Variants in SIRT2 observed in about 807,000 individuals in gnomAD.
SIRT2 encodes the protein sirtuin 2.
A neutral mutation model predicts 57.4 loss-of-function variants in SIRT2; 40 were observed. That is an observed-to-expected ratio of 0.70 (90% CI 0.54 to 0.91). The LOEUF (loss-of-function observed/expected upper bound fraction) is 0.91, where lower values mean the gene tolerates loss of function less well. Among genes scored for constraint, SIRT2 ranks in the 40% least tolerant of loss-of-function variants. The pLI is 0.00. For synonymous variants in SIRT2, 161 were observed against 195.7 expected (o/e 0.82, Z 1.48); for missense variants, 439 against 510.4 (o/e 0.86, Z 1.35).
At chr19:38,893,686 T>C in intron 3 of SIRT2, 133 bp downstream of exon 3, 1 of 1,288,270 alleles carries the variant, frequency 7.8e-7, no homozygotes, top group African/African-American at 1.5e-5. Flanking sequence ...GCTCTGGCAC[T>C]GGTACCCAAC....
At position 38,880,569 on chromosome 19, in the gene SIRT2, G is replaced by C; in HGVS notation, c.876+116C>G. ...ACCCCTCTGGATTCTAGAGCCCCAG[G>C]TTCTGAGCTGAGGAATGCAAAGTGC... On this transcript the variant is annotated intron_variant, in intron 13 of 15. Coordinates refer to ENST00000249396, the MANE Select transcript of SIRT2 (RefSeq NM_012237.4). This position sits in a 1 kb window ranked among gnomAD's most constrained non-coding sequence, Gnocchi z 4.1. The C allele has an allele frequency of 1.4e-6, 1 of 709,456 alleles. No individual in the cohort carries two copies. The highest frequency in any genetic ancestry group is 2.4e-6 in the Non-Finnish European group (1 of 416,486). 43.9% of individuals were successfully genotyped at this position (709,456 alleles called of 1,614,324 possible).
chr19:38,884,809 C>T (rs1485522709), intron 8 of SIRT2, among the ~76,000 whole-genome samples: 1 of 152,082 alleles, frequency 6.6e-6, no homozygotes, highest in African/African-American at 2.4e-5. Context: ...TGCAGTGGTA[C>T]AATCATAGCT....
At position 38,898,615 on chromosome 19, in the gene SIRT2, G is replaced by A. The variant is rs569681833; in HGVS notation, c.17-190C>T. On this transcript the variant is annotated intron_variant, in intron 1 of 15. Transcript: ENST00000249396. ...TCTTATCTACATGCAAAGTGATGCC[G>A]GGAGAGGTGATTAGTGAGGGGCAGA... The A allele has an allele frequency of 1.2e-4, 47 of 404,598 alleles. No individual in the cohort carries two copies. In the East Asian group the frequency reaches 1.5e-3, roughly 13 times the overall value. The allele number at this position is 404,598 out of a possible 1,614,324, so 25.1% of individuals were successfully genotyped here. A position where few individuals can be genotyped will look rare whatever the true frequency, so the allele number is the denominator to read the frequency against.
chr19:38,898,440 C>T lies in SIRT2; in HGVS notation c.17-15G>A, dbSNP rs1353467493. The T allele has an allele frequency of 6.6e-7, 1 of 1,507,988 alleles. No homozygotes were observed. Among genetic ancestry groups the T allele is most frequent in the Non-Finnish European group, 9.0e-7 (1 of 1,117,140 alleles). The allele number at this position is 1,507,988 out of a possible 1,614,324, so 93.4% of individuals were successfully genotyped here. A position where few individuals can be genotyped will look rare whatever the true frequency, so the allele number is the denominator to read the frequency against. On this transcript the variant is annotated splice_polypyrimidine_tract_variant and intron_variant, in intron 1 of 15. Coordinates refer to ENST00000249396, the MANE Select transcript of SIRT2 (RefSeq NM_012237.4). ...AGGGTGAGAGGCTGGGGGAGGGGAGCAGAGGTGGTTACAGTGGGGAGAACG... is the reference window on the plus strand; with the variant it reads ...AGGGTGAGAGGCTGGGGGAGGGGAGTAGAGGTGGTTACAGTGGGGAGAACG...
intron 7 of SIRT2, chr19:38,889,473 C>T (rs780516847): frequency 9.1e-6 from 6 of 659,454 alleles, no homozygotes; most frequent in Non-Finnish European, 1.6e-5. Flanking sequence ...CCTCTTCAGA[C>T]AGTACCATTA....
intron 2 of SIRT2, 150 bp from the exon 3 acceptor site, chr19:38,894,017 CAG>C: frequency 6.8e-7 from 1 of 1,477,254 alleles, no homozygotes; most frequent in Non-Finnish European, 9.0e-7. Context: ...GGGCTAGCTC[CAG>C]GGCTCTGGGA....
At position 38,881,468 on chromosome 19, in the gene SIRT2, G is replaced by A. The variant is rs201099777; in HGVS notation, c.655C>T (p.Pro219Ser). ...AGGCTCTGACAGTCTTCACACTTGG[G>A]CGTCACCTCAGAGAAGATCTTCTCT... ...MKEKIFSEVT[P>S]KCEDCQSLVK... The change falls in exon 10 of 16, where the codon CCC (proline) becomes TCC (serine). Residue 219 changes from proline (P) to serine (S), a missense_variant. By Grantham distance (74) the Pro-to-Ser change is moderately conservative (BLOSUM62 -1). Coordinates refer to ENST00000249396, the MANE Select transcript of SIRT2 (RefSeq NM_012237.4). The A allele has an allele frequency of 1.9e-6, 3 of 1,614,032 alleles. No homozygotes were observed. Among genetic ancestry groups the A allele is most frequent in the Non-Finnish European group, 2.5e-6 (3 of 1,179,982 alleles).
In SIRT2 at chr19:38,889,926, C is replaced by G. The variant is rs76265208; in HGVS notation, c.304G>C (p.Gly102Arg). The G allele has an allele frequency of 6.2e-7, 1 of 1,613,940 alleles. No individual in the cohort carries two copies. Among genetic ancestry groups the G allele is most frequent in the African/African-American group, 1.3e-5 (1 of 74,868 alleles). The part of the protein sequence containing the change: ...GIPDFRSPST[G>R]LYDNLEKYHL... ...TACTTCTCTAGGTTGTCATAGAGGC[C>G]GGTGGATGGAGAGCGAAAGTCGGGG... The change falls in exon 6 of 16, where the codon GGC becomes CGC. Residue 102 changes from glycine (G) to arginine (R), a missense_variant. Physicochemically the swap from Gly to Arg is moderately radical, Grantham distance 125. Transcript: ENST00000249396.
At chr19:38,885,653 C>G (rs570121333) in intron 8 of SIRT2, among the ~76,000 whole-genome samples, 14 of 149,132 alleles carry the variant, frequency 9.4e-5, no homozygotes, top group Admixed American at 3.4e-4. Flanking sequence ...TGCAGTGGCG[C>G]AATCTTGGCT....
In SIRT2 at chr19:38,878,700, C is replaced by T. The variant is rs1973014834; in HGVS notation, c.*455G>A. The T allele has an allele frequency of 6.4e-6, 1 of 155,160 alleles. No homozygotes were observed. The allele number at this position is 155,160 out of a possible 1,614,324, so 9.6% of individuals were successfully genotyped here. Reference sequence around the variant, plus strand: ...CAGAGACTCGGGAGCCCTCCCGGCTCAGACTCCCCCTACGCTGGGTGTGGG... The same window carrying T: ...CAGAGACTCGGGAGCCCTCCCGGCTTAGACTCCCCCTACGCTGGGTGTGGG... On this transcript the variant is annotated 3_prime_UTR_variant, in exon 16 of 16. Coordinates refer to ENST00000249396, the MANE Select transcript of SIRT2 (RefSeq NM_012237.4).
chr19:38,893,027 G>A (rs1973593340), intron 4 of SIRT2, among the ~76,000 whole-genome samples: 1 of 152,134 alleles, frequency 6.6e-6, no homozygotes, highest in Non-Finnish European at 1.5e-5. Context: ...TCAGAGGCAT[G>A]GGGGCAGGCA....
chr19:38,880,251 G>A lies in SIRT2; in HGVS notation c.876+434C>T. 1 of 195,092 alleles carries A rather than the reference G, an allele frequency of 5.1e-6. No homozygotes were observed. The highest frequency in any genetic ancestry group is 1.0e-5 in the Non-Finnish European group (1 of 95,406). The allele number at this position is 195,092 out of a possible 1,614,324, so 12.1% of individuals were successfully genotyped here. A position where few individuals can be genotyped will look rare whatever the true frequency, so the allele number is the denominator to read the frequency against. The stretch of plus-strand genomic sequence containing the variant: ...TTCACGCAGGCTAAGACTTGGGACA[G>A]TGTCTGCCCACAGCGTGCGCTGCTT... On this transcript the variant is annotated intron_variant, in intron 13 of 15. Coordinates refer to ENST00000249396, the MANE Select transcript of SIRT2 (RefSeq NM_012237.4). This position sits in a 1 kb window ranked among gnomAD's most constrained non-coding sequence, Gnocchi z 4.1.
At chr19:38,888,708 A>G (rs1703858707) in intron 8 of SIRT2, among the ~76,000 whole-genome samples, 1 of 152,214 alleles carries the variant, frequency 6.6e-6, no homozygotes, top group African/African-American at 2.4e-5. Flanking sequence ...AGATGAAGTC[A>G]CTTTGGAAAC....
intron 2 of SIRT2, among the ~76,000 whole-genome samples, chr19:38,895,655 G>C (rs574526133): frequency 6.6e-6 from 1 of 152,210 alleles, no homozygotes; most frequent in Non-Finnish European, 1.5e-5. Context: ...GTGCAACTCC[G>C]GCTGGGCGTG....
intron 2 of SIRT2, among the ~76,000 whole-genome samples, chr19:38,897,268 C>A (rs1169938235): frequency 6.6e-6 from 1 of 152,158 alleles, no homozygotes; most frequent in Non-Finnish European, 1.5e-5. Flanking sequence ...CCACCACCAG[C>A]CACCCAATTA....
At position 38,889,093 on chromosome 19, in the gene SIRT2, G is replaced by A. The variant is rs758264249; in HGVS notation, c.495C>T (p.Tyr165=). 1 of 1,611,878 alleles carries A rather than the reference G, an allele frequency of 6.2e-7. No individual in the cohort carries two copies. The highest frequency in any genetic ancestry group is 1.1e-5 in the South Asian group (1 of 91,066). The change falls in exon 8 of 16, where the codon TAC becomes TAT. Residue 165 remains tyrosine (Y), a synonymous_variant. Coordinates refer to ENST00000249396, the MANE Select transcript of SIRT2 (RefSeq NM_012237.4). ...LKDKGLLLRC[Y]TQNIDTLERI... The stretch of plus-strand genomic sequence containing the variant: ...GATGCTCGCATCCGCCTACCTGCGT[G>A]TAGCAGCGCAGGAGTAGCCCCTTGT...
rs1041210321 is a variant in SIRT2, at chr19:38,879,055, G to C, written c.*100C>G. 8 of 1,295,532 alleles carry C rather than the reference G, an allele frequency of 6.2e-6. No individual in the cohort carries two copies. Among genetic ancestry groups the C allele is most frequent in the Admixed American group, 2.5e-5 (1 of 39,330 alleles). 80.3% of individuals were successfully genotyped at this position (1,295,532 alleles called of 1,614,324 possible). A position where few individuals can be genotyped will look rare whatever the true frequency, so the allele number is the denominator to read the frequency against. On this transcript the variant is annotated 3_prime_UTR_variant, in exon 16 of 16. Transcript: ENST00000249396. ...GCTGTAAGAGATTGGGGGATGTTCT[G>C]AGCTCCCCAGACAAGAACTGCTGGT... is the stretch of plus-strand genomic sequence containing the variant.
At chr19:38,897,040 G>A (rs1600132094) in intron 2 of SIRT2, among the ~76,000 whole-genome samples, 2 of 152,178 alleles carry the variant, frequency 1.3e-5, no homozygotes, top group Admixed American at 1.3e-4. Context: ...AGTGCTGGGG[G>A]ACTCAAACCC....
Position 38,893,876 on chromosome 19 carries a change from G to A in SIRT2, c.64-9C>T, listed in dbSNP as rs1973629795. ...GAGTCTGAATCTGAGTCCTGGAAGGGGTGGGGTGGAGTGGCCAGGCCCGAG... is the reference window on the plus strand; with the variant it reads ...GAGTCTGAATCTGAGTCCTGGAAGGAGTGGGGTGGAGTGGCCAGGCCCGAG... On this transcript the variant is annotated splice_polypyrimidine_tract_variant and intron_variant, in intron 2 of 15. Transcript: ENST00000249396. 1.2e-6 allele frequency: 2 copies of A among 1,614,060 alleles called. No individual in the cohort carries two copies. The highest frequency in any genetic ancestry group is 1.1e-5 in the South Asian group (1 of 91,078).
Sources: allele counts gnomAD v4.1 joint callset (sites outside exome capture counted in the v4.1 genomes callset), GRCh38; gene constraint gnomAD v4.1.1; non-coding constraint Gnocchi (gnomAD v3.1); transcripts MANE v1.5; gene names NCBI Gene and HGNC (gene_info 2026-07-23, HGNC 2026-07-21).